PROCR: variants seen among roughly 807,000 people sequenced by gnomAD.
PROCR encodes the protein endothelial protein C receptor.
PROCR carries 22 observed loss-of-function variants against 24.2 expected under a neutral mutation model. The observed-to-expected ratio is 0.91, with a 90% CI of 0.65 to 1.30. The LOEUF is 1.30. Ranked by LOEUF, PROCR falls within the 50% of genes most tolerant of loss-of-function variation. PROCR has a pLI of 0.00. For synonymous variants in PROCR, 137 were observed against 139.2 expected (o/e 0.98, Z 0.11); for missense variants, 288 against 307.7 (o/e 0.94, Z 0.48).
chr20:35,178,002 T>C (rs2086038195), downstream of PROCR, among the ~76,000 whole-genome samples: 1 of 152,190 alleles, frequency 6.6e-6, no homozygotes, highest in African/African-American at 2.4e-5. Flanking sequence ...TTCCTTTTGT[T>C]CCTGTTTGAA....
intron 1 of PROCR, among the ~76,000 whole-genome samples, chr20:35,187,824 C>T (rs750162450): frequency 6.6e-5 from 10 of 152,276 alleles, no homozygotes; most frequent in Middle Eastern, 3.4e-3. Flanking sequence ...TATCTCCCAG[C>T]TCTGATAACT....
rs1460897838 is a variant in PROCR, at chr20:35,174,948, T to G, written c.317T>G (p.Leu106Trp). The part of the protein sequence containing the change: ...LVRLVHQERT[L>W]AFPLTIRCFL... ...CGCCTGGTGCACCAGGAGCGGACCT[T>G]GGCCTGTGAGTAGGCGCGCAGCGGG... The change falls in exon 2 of 4, where the codon TTG becomes TGG. Residue 106 changes from leucine to tryptophan, a missense_variant. Physicochemically the swap from Leu to Trp is moderately conservative, Grantham distance 61. Coordinates refer to ENST00000216968, the MANE Select transcript of PROCR (RefSeq NM_006404.5). The G allele has an allele frequency of 7.0e-6, 9 of 1,277,148 alleles. No individual in the cohort carries two copies. Among genetic ancestry groups the G allele is most frequent in the Non-Finnish European group, 8.2e-6 (8 of 975,432 alleles). 79.1% of individuals were successfully genotyped at this position (1,277,148 alleles called of 1,614,324 possible). A position where few individuals can be genotyped will look rare whatever the true frequency, so the allele number is the denominator to read the frequency against.
chr20:35,175,006 G>A (rs2085996386), intron 2 of PROCR, 53 bp downstream of exon 2: 1 of 392,372 alleles, frequency 2.5e-6, no homozygotes, highest in Non-Finnish European at 4.1e-6. Flanking sequence ...TGGGGGCGGG[G>A]CCTGGCGGGT....
rs992447325 is a variant in PROCR at position 35,177,109 on chromosome 20, C to G, written c.*296C>G. The G allele has an allele frequency of 1.8e-5, 22 of 1,212,034 alleles. No homozygotes were observed. Among genetic ancestry groups the G allele is most frequent in the Non-Finnish European group, 2.3e-5 (22 of 958,558 alleles). 75.1% of individuals were successfully genotyped at this position (1,212,034 alleles called of 1,614,324 possible). A position where few individuals can be genotyped will look rare whatever the true frequency, so the allele number is the denominator to read the frequency against. ...CAGATAATGGAGTTGGGGCAGGAAG[C>G]CTATGGCCCATCCTCCAAAGACAGA... On this transcript the variant is annotated 3_prime_UTR_variant, in exon 4 of 4. Transcript: ENST00000216968.
At chr20:35,209,601 G>A (rs940298354) in intron 1 of PROCR, among the ~76,000 whole-genome samples, 1 of 152,172 alleles carries the variant, frequency 6.6e-6, no homozygotes, top group Non-Finnish European at 1.5e-5. Flanking sequence ...AAGGTCAACT[G>A]GAAGAGATGG....
At chr20:35,173,335 C>T (rs2085968527) in intron 1 of PROCR, among the ~76,000 whole-genome samples, 1 of 151,642 alleles carries the variant, frequency 6.6e-6, no homozygotes, top group South Asian at 2.1e-4. Context: ...GAAACAGACA[C>T]ACTGTGTCTC....
chr20:35,192,315 C>T (rs1033486724), intron 1 of PROCR, among the ~76,000 whole-genome samples: 9 of 152,156 alleles, frequency 5.9e-5, no homozygotes, highest in African/African-American at 2.2e-4. Flanking sequence ...ACACGAAGGG[C>T]GGCTCGACAG....
intron 1 of PROCR, among the ~76,000 whole-genome samples, chr20:35,173,423 CT>C (rs58785250): frequency 0.055 from 4,797 of 87,854 alleles, 232 homozygotes; most frequent in African/African-American, 0.17. Flanking sequence ...TTTCTTTTTT[CT>C]TTTTTTTTTT....
chr20:35,176,188 T>C lies in PROCR; in HGVS notation c.343T>C (p.Phe115Leu). The C allele has an allele frequency of 3.1e-6, 5 of 1,611,496 alleles. No individual in the cohort carries two copies. Among genetic ancestry groups the C allele is most frequent in the Non-Finnish European group, 4.2e-6 (5 of 1,178,878 alleles). Residue 115 changes from phenylalanine to leucine, a missense_variant, in exon 3 of 4, where the codon TTC becomes CTC. Phe to Leu is a conservative substitution (Grantham distance 22). Transcript: ENST00000216968. ...CACAGTTCCTCTGACCATCCGCTGC[T>C]TCCTGGGCTGTGAGCTGCCTCCCGA... ...TLAFPLTIRC[F>L]LGCELPPEGS...
chr20:35,209,125 T>C lies in PROCR; in HGVS notation c.95-6768T>C, dbSNP rs773640349. ...TACAGTTTGAATAAATACTATGAAG[T>C]ACAAGGTGCTATATGAGGGTATAGA... On this transcript the variant is annotated intron_variant, in intron 1 of 1. Coordinates refer to the PROCR transcript ENST00000634509. Among the ~76,000 whole-genome samples the C allele has an allele frequency of 3.2e-4, 49 of 152,162 alleles. 1 individual carries two copies. The highest frequency in any genetic ancestry group is 7.3e-5 in the Non-Finnish European group (5 of 68,034).
rs145444919 is a variant in PROCR at position 35,186,298 on chromosome 20, G to A, written c.94+9852G>A. On this transcript the variant is annotated intron_variant, in intron 1 of 1. Transcript: ENST00000634509. ...AAACATGATAAGTAGTCCGGGAGCA[G>A]TGGCTCTCGCCTGCAGTCACAACAC... is the stretch of plus-strand genomic sequence containing the variant. Among the ~76,000 whole-genome samples the A allele has an allele frequency of 8.5e-3, 1,298 of 152,340 alleles. 10 individuals are homozygous for A. Among genetic ancestry groups the A allele is most frequent in the Middle Eastern group, 0.017 (5 of 294 alleles).
chr20:35,215,776 T>C, intron 1 of PROCR: 2 of 724,312 alleles, frequency 2.8e-6, no homozygotes, highest in Non-Finnish European at 3.4e-6. Flanking sequence ...GTAAATTGCT[T>C]TTCATTGACT....
At chr20:35,190,783 T>C (rs1051600392) in intron 1 of PROCR, among the ~76,000 whole-genome samples, 1 of 152,222 alleles carries the variant, frequency 6.6e-6, no homozygotes, top group African/African-American at 2.4e-5. Flanking sequence ...ATTTGGCATG[T>C]CAAGTCCAAC....
chr20:35,183,763 G>A (rs2146154907), intron 1 of PROCR, among the ~76,000 whole-genome samples: 1 of 152,212 alleles, frequency 6.6e-6, no homozygotes, highest in Admixed American at 6.5e-5. Context: ...AAGATAGACA[G>A]AACAGATTCA....
At chr20:35,212,552 G>A (rs527831571) in intron 1 of PROCR, among the ~76,000 whole-genome samples, 17 of 152,292 alleles carry the variant, frequency 1.1e-4, no homozygotes, top group African/African-American at 3.8e-4. Context: ...GATAATGAAG[G>A]GGCTAAATCA....
intron 1 of PROCR, among the ~76,000 whole-genome samples, chr20:35,186,306 C>T (rs1021105514): frequency 1.3e-5 from 2 of 152,250 alleles, no homozygotes; most frequent in South Asian, 2.1e-4. Flanking sequence ...CAGTGGCTCT[C>T]GCCTGCAGTC....
At chr20:35,185,246 C>T (rs542486193) in intron 1 of PROCR, among the ~76,000 whole-genome samples, 3 of 152,164 alleles carry the variant, frequency 2.0e-5, no homozygotes, top group African/African-American at 4.8e-5. Context: ...TAGACGTTGA[C>T]GTGGATGCAG....
downstream of PROCR, among the ~76,000 whole-genome samples, chr20:35,178,132 G>C (rs534873411): frequency 1.3e-5 from 2 of 151,868 alleles, no homozygotes; most frequent in Non-Finnish European, 2.9e-5. Context: ...GGCCAGGCGC[G>C]GTGGCTCACG....
At chr20:35,173,972 T>G (rs929432363) in intron 1 of PROCR, among the ~76,000 whole-genome samples, 3 of 152,124 alleles carry the variant, frequency 2.0e-5, no homozygotes, top group African/African-American at 7.2e-5. Flanking sequence ...AATGGCTGAG[T>G]GCTGGACTTG....
Sources: gnomAD v4.1 joint callset for allele counts (sites outside exome capture counted in the v4.1 genomes callset) on GRCh38, gnomAD v4.1.1 for gene constraint, MANE v1.5 for transcripts, NCBI Gene and HGNC (gene_info 2026-07-23, HGNC 2026-07-21) for gene names.